Variants in ZFHX4 observed in about 807,000 individuals in gnomAD.
The protein encoded by ZFHX4 is zinc finger homeobox 4.
In ZFHX4, 56 loss-of-function variants were observed where a neutral mutation model predicts 267.6. That is an observed-to-expected ratio of 0.21 (90% CI 0.17 to 0.26). ZFHX4 has a LOEUF of 0.26. Ranked by LOEUF, ZFHX4 falls within the 10% of genes least tolerant of loss-of-function variation. ZFHX4 has a pLI of 1.00. For missense variants in ZFHX4, 4,332 were observed against 4,420.0 expected (o/e 0.98, Z 0.56); for synonymous variants, 1,778 against 1,665.6 (o/e 1.07, Z -1.64).
At chr8:76,769,505 T>C (rs745381288) in intron 3 of ZFHX4, among the ~76,000 whole-genome samples, 6 of 152,050 alleles carry the variant, frequency 3.9e-5, no homozygotes, top group Non-Finnish European at 7.4e-5. Flanking sequence ...AATGAGTCAC[T>C]ATGCCTGGCT....
chr8:76,787,209 G>A (rs887769534), intron 4 of ZFHX4, among the ~76,000 whole-genome samples: 3 of 152,088 alleles, frequency 2.0e-5, no homozygotes, highest in African/African-American at 4.8e-5. Context: ...TAGTTTAAGG[G>A]GAAAATAGAA....
At position 76,704,160 on chromosome 8, in the gene ZFHX4, G is replaced by A. The variant is rs1013173972; in HGVS notation, c.72G>A (p.Thr24=). ...AGAGCACATCAAAGCTATGTGGAAC[G>A]ACACAACTTGATAATGAGGTGCCAG... ...NGQSTSKLCG[T]TQLDNEVPEK... Residue 24 remains threonine, a synonymous_variant, in exon 2 of 11, where the codon ACG becomes ACA. Coordinates refer to ENST00000651372, the MANE Select transcript of ZFHX4 (RefSeq NM_024721.5). 1 of 1,613,928 alleles carries A rather than the reference G, an allele frequency of 6.2e-7. No homozygotes were observed.
chr8:76,855,924 A>G lies in ZFHX4; in HGVS notation c.9003A>G (p.Gly3001=). 1.2e-6 allele frequency: 2 copies of G among 1,613,930 alleles called. No homozygotes were observed. Among genetic ancestry groups the G allele is most frequent in the Non-Finnish European group, 1.7e-6 (2 of 1,179,864 alleles). The change falls in exon 10 of 11, where the codon GGA becomes GGG. Residue 3001 remains glycine, a synonymous_variant. Transcript: ENST00000651372. ...AGCCTTTCATGATCAATCAAGGCGG[A>G]ACGGAAGGCACCAAACCAGAGTGTA... is the stretch of plus-strand genomic sequence containing the variant. ...IGKPFMINQG[G]TEGTKPECTL...
rs565745304 is a variant in ZFHX4 at position 76,761,487 on chromosome 8, A to G, written c.3094-16721A>G. Among the ~76,000 whole-genome samples the G allele has an allele frequency of 7.9e-5, 12 of 152,258 alleles. No individual in the cohort carries two copies. The South Asian group carries it at 2.3e-3, about 29-fold the overall frequency. On this transcript the variant is annotated intron_variant, in intron 3 of 10. Coordinates refer to ENST00000651372, the MANE Select transcript of ZFHX4 (RefSeq NM_024721.5). ...GAAATAAACTTATATATTATATTTTACATTTCTTTTCTTTTACTTCTCCTT... is the reference window on the plus strand; with the variant it reads ...GAAATAAACTTATATATTATATTTTGCATTTCTTTTCTTTTACTTCTCCTT...
chr8:76,837,321 G>A (rs2131901982), intron 5 of ZFHX4, among the ~76,000 whole-genome samples: 1 of 152,156 alleles, frequency 6.6e-6, no homozygotes, highest in East Asian at 1.9e-4. Context: ...CCAGAAGAAG[G>A]GAAGAGTAAC....
At chr8:76,822,078 A>G (rs1456720921) in intron 4 of ZFHX4, among the ~76,000 whole-genome samples, 1 of 151,988 alleles carries the variant, frequency 6.6e-6, no homozygotes, top group Non-Finnish European at 1.5e-5. Context: ...ACTTGCCTAT[A>G]TAAACAAAAA....
In ZFHX4 at chr8:76,819,393, T is replaced by C. The variant is rs139106084; in HGVS notation, c.3326-13945T>C. Among the ~76,000 whole-genome samples the C allele has an allele frequency of 3.0e-4, 46 of 152,286 alleles. No individual in the cohort carries two copies. The East Asian group carries it at 8.1e-3, about 27-fold the overall frequency. ...TGATTAAACAGAAATACCTATAAAC[T>C]ATTCTTTTGGAACTTCCGTAATGGG... On this transcript the variant is annotated intron_variant, in intron 4 of 10. Transcript: ENST00000651372.
At chr8:76,772,112 C>T (rs1227360806) in intron 3 of ZFHX4, among the ~76,000 whole-genome samples, 2 of 152,016 alleles carry the variant, frequency 1.3e-5, no homozygotes, top group East Asian at 1.9e-4. Context: ...TCTCCTTTGT[C>T]GGCCATATTG....
intron 3 of ZFHX4, among the ~76,000 whole-genome samples, chr8:76,774,182 G>A (rs191950456): frequency 6.6e-6 from 1 of 152,190 alleles, no homozygotes; most frequent in Non-Finnish European, 1.5e-5. Flanking sequence ...GGCATTCAGG[G>A]CTTTGTCTGA....
chr8:76,836,806 A>T (rs1390314193), intron 5 of ZFHX4, among the ~76,000 whole-genome samples: 2 of 152,090 alleles, frequency 1.3e-5, no homozygotes, highest in African/African-American at 2.4e-5. Context: ...TAGTTATAAG[A>T]CCATTGCAGG....
chr8:76,791,252 T>C (rs1810827808), intron 4 of ZFHX4, among the ~76,000 whole-genome samples: 1 of 152,300 alleles, frequency 6.6e-6, no homozygotes, highest in Non-Finnish European at 1.5e-5. Context: ...TCACTTTTTA[T>C]ACAGATCACA....
chr8:76,690,912 A>T, intron 1 of ZFHX4, among the ~76,000 whole-genome samples: 1 of 152,076 alleles, frequency 6.6e-6, no homozygotes, highest in South Asian at 2.1e-4. Flanking sequence ...AGGCAACTAG[A>T]AATTACCAAA....
At chr8:76,720,497 A>G (rs1271719207) in intron 3 of ZFHX4, among the ~76,000 whole-genome samples, 4 of 152,146 alleles carry the variant, frequency 2.6e-5, no homozygotes, top group African/African-American at 4.8e-5. Context: ...TTTTGTGTGG[A>G]CATATGCTCT....
At position 76,866,393 on chromosome 8, in the gene ZFHX4, G is replaced by C. The variant is rs546048453; in HGVS notation, c.*1828G>C. 6.6e-6 allele frequency: 1 copy of C among 150,924 alleles called. No individual in the cohort carries two copies. Among genetic ancestry groups the C allele is most frequent in the Non-Finnish European group, 1.5e-5 (1 of 67,760 alleles). The allele number at this position is 150,924 out of a possible 1,614,324, so 9.3% of individuals were successfully genotyped here. On this transcript the variant is annotated 3_prime_UTR_variant, in exon 11 of 11. Coordinates refer to ENST00000651372, the MANE Select transcript of ZFHX4 (RefSeq NM_024721.5). ...TTTATTATTGTACAGTTTTTGTTTC[G>C]GATGATGATCACAGCAATCTTTATT...
rs749862553 is a variant in ZFHX4 at position 76,851,050 on chromosome 8, C to G, written c.4129C>G (p.Gln1377Glu). ...GAAAATCCCCGACACACTGCAAGAT[C>G]AATTAAATGAACAGCAAAAAAGGCA... The part of the protein sequence containing the change: ...DVKIPDTLQD[Q>E]LNEQQKRQPL... The change falls in exon 10 of 11, where the codon CAA becomes GAA. Residue 1377 changes from glutamine to glutamate, a missense_variant. This residue lies in a region of ZFHX4 where 1,371 missense variants were observed against 1,423.1 expected (regional missense o/e 0.96). Transcript: ENST00000651372. The G allele has an allele frequency of 6.2e-7, 1 of 1,613,926 alleles. No individual in the cohort carries two copies. Among genetic ancestry groups the G allele is most frequent in the Admixed American group, 1.7e-5 (1 of 60,012 alleles).
At chr8:76,813,567 G>A (rs768129027) in intron 4 of ZFHX4, among the ~76,000 whole-genome samples, 2 of 152,062 alleles carry the variant, frequency 1.3e-5, no homozygotes, top group Non-Finnish European at 2.9e-5. Context: ...CCTACTTTTT[G>A]TAGAATACAT....
chr8:76,784,766 TA>T (rs1184866593), intron 4 of ZFHX4, among the ~76,000 whole-genome samples: 1 of 152,122 alleles, frequency 6.6e-6, no homozygotes, highest in Non-Finnish European at 1.5e-5. Flanking sequence ...AAAATTTTTT[TA>T]AAACTCAAGT....
chr8:76,809,910 A>T (rs1585968309), intron 4 of ZFHX4, among the ~76,000 whole-genome samples: 1 of 152,212 alleles, frequency 6.6e-6, no homozygotes, highest in Admixed American at 6.5e-5. Context: ...AAAATACAGC[A>T]TAATTATATT....
chr8:76,832,165 C>A (rs962848150), intron 4 of ZFHX4, among the ~76,000 whole-genome samples: 1 of 152,084 alleles, frequency 6.6e-6, no homozygotes, highest in East Asian at 1.9e-4. Context: ...TTAATTAAAG[C>A]CTTCAGAATC....
Sources: allele counts gnomAD v4.1 joint callset (sites outside exome capture counted in the v4.1 genomes callset), GRCh38; gene constraint gnomAD v4.1.1; regional missense constraint gnomAD v4.1.1; transcripts MANE v1.5; gene names NCBI Gene and HGNC (gene_info 2026-07-23, HGNC 2026-07-21).